Variants in CTNNA2 observed in about 807,000 individuals in gnomAD.
CTNNA2 encodes catenin alpha 2.
CTNNA2 carries 42 observed loss-of-function variants against 101.0 expected under a neutral mutation model. The ratio of observed to expected loss-of-function variants is 0.42; its 90% CI spans 0.32 to 0.54. CTNNA2 has a LOEUF of 0.54. Ranked by LOEUF, CTNNA2 falls within the 20% of genes least tolerant of loss-of-function variation. The pLI is 0.14. For missense variants in CTNNA2, 871 were observed against 1,223.1 expected, an observed-to-expected ratio of 0.71 and a Z score of 4.29; for synonymous variants, 450 against 456.4, an observed-to-expected ratio of 0.99 and a Z score of 0.18.
exon 3 of CTNNA2, chr2:79,312,787 C>A (rs978447857): frequency 5.9e-5 from 9 of 152,166 alleles, no homozygotes; most frequent in African/African-American, 2.2e-4. Context: ...ACAGCAATCT[C>A]ATCAAAAAGG....
chr2:80,281,127 T>A (rs1674346720), intron 7 of CTNNA2, among the ~76,000 whole-genome samples: 1 of 152,104 alleles, frequency 6.6e-6, no homozygotes, highest in African/African-American at 2.4e-5. Flanking sequence ...CTGAAGGGAT[T>A]TGAGATCCCC....
intron 3 of CTNNA2, among the ~76,000 whole-genome samples, chr2:79,781,237 T>G (rs543645602): frequency 1.3e-5 from 2 of 152,304 alleles, no homozygotes; most frequent in Admixed American, 6.5e-5. Flanking sequence ...TTGTAAACTG[T>G]CATGATGTTG....
rs974773873 is a variant in CTNNA2 at position 79,901,698 on chromosome 2, A to C, written c.853-7896A>C. Among the ~76,000 whole-genome samples, 24 of 152,238 alleles carry C rather than the reference A, an allele frequency of 1.6e-4. No homozygotes were observed. The East Asian group carries it at 4.1e-3, about 26-fold the overall frequency. On this transcript the variant is annotated intron_variant, in intron 6 of 18. Coordinates refer to ENST00000402739, the MANE Select transcript of CTNNA2 (RefSeq NM_001282597.3). Reference sequence around the variant, plus strand: ...TAAAGATGAGTAAGATTTTCTTCCTACTCTTTAACAAGCTGTTTCTTGGCT... The same window carrying C: ...TAAAGATGAGTAAGATTTTCTTCCTCCTCTTTAACAAGCTGTTTCTTGGCT...
At chr2:80,499,493 A>T (rs150331017) in intron 9 of CTNNA2, among the ~76,000 whole-genome samples, 5 of 147,552 alleles carry the variant, frequency 3.4e-5, no homozygotes, top group Non-Finnish European at 7.5e-5. Context: ...ATTGGCCTGA[A>T]TTTTTTTTTT....
chr2:79,639,965 G>T (rs969923187), intron 1 of CTNNA2, among the ~76,000 whole-genome samples: 45 of 149,594 alleles, frequency 3.0e-4, no homozygotes, highest in African/African-American at 1.0e-3. Context: ...TGTGTGTGAA[G>T]AGAGAGAGAG....
chr2:80,482,607 T>C (rs762464632), intron 9 of CTNNA2, among the ~76,000 whole-genome samples: 36 of 152,168 alleles, frequency 2.4e-4, no homozygotes, highest in Non-Finnish European at 1.3e-4. Context: ...TTGCTGACCC[T>C]TCATCTAGAG....
Position 79,785,534 on chromosome 2 carries a change from G to T in CTNNA2, c.298+40952G>T, listed in dbSNP as rs114240137. Reference sequence around the variant, plus strand: ...TAGCACCTCTGCTGATCTCACCCATGTTAACACACTTTGCTTTTTTTCCCC... The same window carrying T: ...TAGCACCTCTGCTGATCTCACCCATTTTAACACACTTTGCTTTTTTTCCCC... On this transcript the variant is annotated intron_variant, in intron 3 of 18. Coordinates refer to ENST00000402739, the MANE Select transcript of CTNNA2 (RefSeq NM_001282597.3). 3.7e-3 allele frequency among the ~76,000 whole-genome samples: 567 copies of T among 152,158 alleles called. 2 individuals are homozygous for T. Among genetic ancestry groups the T allele is most frequent in the African/African-American group, 0.013 (535 of 41,530 alleles).
At chr2:79,948,448 T>G (rs149608159) in intron 7 of CTNNA2, among the ~76,000 whole-genome samples, 2 of 152,354 alleles carry the variant, frequency 1.3e-5, no homozygotes, top group Non-Finnish European at 2.9e-5. Flanking sequence ...ATGGGAATAA[T>G]GATAGTACCT....
chr2:79,203,358 T>A (rs1369797780), intron 2 of CTNNA2, among the ~76,000 whole-genome samples: 1 of 152,204 alleles, frequency 6.6e-6, no homozygotes, highest in East Asian at 1.9e-4. Context: ...ATGTTAAAGA[T>A]TTTATTTAAC....
intron 3 of CTNNA2, among the ~76,000 whole-genome samples, chr2:79,748,833 C>T (rs904481298): frequency 5.9e-5 from 9 of 151,744 alleles, no homozygotes; most frequent in Admixed American, 6.6e-5. Context: ...TAGAATATTC[C>T]AGTAGAAGAT....
chr2:79,553,927 A>G (rs1185018281), intron 1 of CTNNA2, among the ~76,000 whole-genome samples: 4 of 152,212 alleles, frequency 2.6e-5, no homozygotes, highest in African/African-American at 7.2e-5. Flanking sequence ...GCAGCTATCT[A>G]CTTAGGAACA....
At chr2:79,597,784 C>T (rs1049631188) in intron 1 of CTNNA2, among the ~76,000 whole-genome samples, 8 of 152,064 alleles carry the variant, frequency 5.3e-5, no homozygotes, top group Non-Finnish European at 1.2e-4. Context: ...CACTGATGCC[C>T]TATTATCATC....
intron 18 of CTNNA2, among the ~76,000 whole-genome samples, chr2:80,628,992 A>C (rs1671986569): frequency 6.6e-6 from 1 of 152,140 alleles, no homozygotes; most frequent in African/African-American, 2.4e-5. Context: ...CCATTTTCTC[A>C]GCTGTAAAGT....
At chr2:79,736,833 A>G (rs888100298) in intron 2 of CTNNA2, among the ~76,000 whole-genome samples, 9 of 152,178 alleles carry the variant, frequency 5.9e-5, no homozygotes, top group African/African-American at 2.2e-4. Flanking sequence ...TAGCAAAACA[A>G]TGCCCAAATT....
At chr2:80,168,683 G>A (rs953653292) in intron 7 of CTNNA2, among the ~76,000 whole-genome samples, 3 of 152,042 alleles carry the variant, frequency 2.0e-5, no homozygotes, top group African/African-American at 7.2e-5. Context: ...ACATCCCATT[G>A]GGCAGCTTTA....
intron 7 of CTNNA2, among the ~76,000 whole-genome samples, chr2:80,015,317 A>G (rs942252090): frequency 6.6e-6 from 1 of 152,118 alleles, no homozygotes; most frequent in Non-Finnish European, 1.5e-5. Flanking sequence ...ACCCAATGCT[A>G]TAATTGAGAG....
At chr2:79,221,224 C>A (rs1206383794) in intron 2 of CTNNA2, among the ~76,000 whole-genome samples, 1 of 152,188 alleles carries the variant, frequency 6.6e-6, no homozygotes, top group African/African-American at 2.4e-5. Flanking sequence ...ACACTGCTCA[C>A]TGCTGCAGCC....
At chr2:79,440,910 C>T (rs1199910392) in intron 4 of CTNNA2, among the ~76,000 whole-genome samples, 4 of 152,188 alleles carry the variant, frequency 2.6e-5, no homozygotes, top group African/African-American at 9.7e-5. Flanking sequence ...ATGCTCTCCA[C>T]AGGGCACCCA....
intron 3 of CTNNA2, among the ~76,000 whole-genome samples, chr2:79,351,383 A>G (rs1394697967): frequency 3.3e-5 from 5 of 152,128 alleles, no homozygotes; most frequent in African/African-American, 9.7e-5. Flanking sequence ...ATTTTTCCCA[A>G]TACCATTTAG....
Sources: allele counts gnomAD v4.1 joint callset (sites outside exome capture counted in the v4.1 genomes callset), GRCh38; gene constraint gnomAD v4.1.1; transcripts MANE v1.5; gene names NCBI Gene and HGNC (gene_info 2026-07-23, HGNC 2026-07-21).